PLCXD3: variants seen among roughly 807,000 people sequenced by gnomAD.
PLCXD3 encodes the protein PI-PLC X domain-containing protein 3.
In PLCXD3, 19 loss-of-function variants were observed where a neutral mutation model predicts 25.5. The observed-to-expected ratio is 0.75, with a 90% CI of 0.52 to 1.09. The LOEUF (loss-of-function observed/expected upper bound fraction) is 1.09, where lower values mean the gene tolerates loss of function less well. Ranked by LOEUF, PLCXD3 falls within the 50% of genes least tolerant of loss-of-function variation. The probability of loss-of-function intolerance (pLI) is 0.00; values close to 1 mark genes in which losing one functional copy is unlikely to be tolerated. For missense variants in PLCXD3, 411 were observed against 388.1 expected (o/e 1.06, Z -0.50); for synonymous variants, 174 against 137.6 (o/e 1.26, Z -1.85).
Position 41,403,410 on chromosome 5 carries a change from T to TTTTTTTTTGTTTTTG in PLCXD3, c.104-20877_104-20876insCAAAAACAAAAAAAA, listed in dbSNP as rs1554047973. On this transcript the variant is annotated intron_variant, in intron 1 of 2. Coordinates refer to ENST00000377801, the MANE Select transcript of PLCXD3 (RefSeq NM_001005473.3). ...GATTGACTTATTTGTTGTTTTTTTT[T>TTTTTTTTTGTTTTTG]TTTTTTATTATACTCTAAGTTTTAG... Among the ~76,000 whole-genome samples, 9 of 41,954 alleles carry TTTTTTTTTGTTTTTG rather than the reference T, an allele frequency of 2.1e-4. 1 individual carries two copies. The highest frequency in any genetic ancestry group is 2.9e-4 in the East Asian group (1 of 3,476). 27.5% of individuals were successfully genotyped at this position (41,954 alleles called of 152,430 possible).
chr5:41,438,439 A>C (rs149800641), intron 1 of PLCXD3, among the ~76,000 whole-genome samples: 6 of 152,256 alleles, frequency 3.9e-5, no homozygotes, highest in African/African-American at 1.2e-4. Flanking sequence ...CTCTCTGAAT[A>C]ATGCCCACCT....
intron 1 of PLCXD3, among the ~76,000 whole-genome samples, chr5:41,401,065 C>T (rs1165556176): frequency 6.6e-6 from 1 of 151,670 alleles, no homozygotes; most frequent in East Asian, 1.9e-4. Context: ...AGTGTTCATT[C>T]CAGTCTTTAA....
At chr5:41,453,592 T>G (rs1747686758) in intron 1 of PLCXD3, among the ~76,000 whole-genome samples, 1 of 152,046 alleles carries the variant, frequency 6.6e-6, no homozygotes, top group African/African-American at 2.4e-5. Flanking sequence ...AAAATTGGAC[T>G]AAAATAAGTG....
chr5:41,356,140 CCTGTA>C (rs1744612152), intron 2 of PLCXD3, among the ~76,000 whole-genome samples: 2 of 152,134 alleles, frequency 1.3e-5, no homozygotes, highest in Non-Finnish European at 2.9e-5. Flanking sequence ...GTGGCAGGCG[CCTGTA>C]CTCCCAGCTA....
intron 2 of PLCXD3, among the ~76,000 whole-genome samples, chr5:41,339,787 A>G (rs1351391705): frequency 6.6e-6 from 1 of 152,188 alleles, no homozygotes; most frequent in East Asian, 1.9e-4. Flanking sequence ...ATCTTCCTTC[A>G]TATTAATCTA....
chr5:41,446,197 A>AAAAAAAAAAAAAAAAAAAAC (rs1747497680), intron 1 of PLCXD3, among the ~76,000 whole-genome samples: 2 of 149,394 alleles, frequency 1.3e-5, no homozygotes, highest in Non-Finnish European at 3.0e-5. Flanking sequence ...AAAAAAAAAA[A>AAAAAAAAAAAAAAAAAAAAC]AAAAGAACAA....
At chr5:41,316,337 C>A (rs973265188) in intron 2 of PLCXD3, among the ~76,000 whole-genome samples, 1 of 152,158 alleles carries the variant, frequency 6.6e-6, no homozygotes, top group African/African-American at 2.4e-5. Context: ...GAGCCCTTGG[C>A]CCCAGATAAC....
chr5:41,442,014 T>C (rs537366213), intron 1 of PLCXD3, among the ~76,000 whole-genome samples: 1 of 152,238 alleles, frequency 6.6e-6, no homozygotes, highest in Non-Finnish European at 1.5e-5. Context: ...TATCAGACCA[T>C]TTTAGATTCT....
At chr5:41,412,598 C>A (rs1167777797) in intron 1 of PLCXD3, among the ~76,000 whole-genome samples, 2 of 152,130 alleles carry the variant, frequency 1.3e-5, no homozygotes, top group Non-Finnish European at 2.9e-5. Flanking sequence ...TTGATAATGA[C>A]CTTCTAATCA....
rs933373526 is a variant in PLCXD3, at chr5:41,313,077, T to C, written c.*540A>G. 3.9e-5 allele frequency: 6 copies of C among 153,062 alleles called. No homozygotes were observed. The highest frequency in any genetic ancestry group is 1.4e-4 in the African/African-American group (6 of 41,584). The allele number at this position is 153,062 out of a possible 1,614,324, so 9.5% of individuals were successfully genotyped here. ...ATGGAAACTGATTTGATGCAGATTT[T>C]CTATGACCAAAAATTAGCTATGATT... is the stretch of plus-strand genomic sequence containing the variant. On this transcript the variant is annotated 3_prime_UTR_variant, in exon 3 of 3. Transcript: ENST00000377801.
chr5:41,334,526 T>C (rs1157955028), intron 2 of PLCXD3, among the ~76,000 whole-genome samples: 2 of 152,048 alleles, frequency 1.3e-5, no homozygotes, highest in Admixed American at 6.6e-5. Context: ...AAGTGGAAAA[T>C]TCCAAGCCCT....
chr5:41,400,344 C>A (rs183213900), intron 1 of PLCXD3, among the ~76,000 whole-genome samples: 92 of 152,008 alleles, frequency 6.1e-4, no homozygotes, highest in African/African-American at 2.0e-3. Context: ...TGGGTATATA[C>A]CCAAAAAAAG....
At chr5:41,325,588 G>A (rs1003432089) in intron 2 of PLCXD3, among the ~76,000 whole-genome samples, 40 of 152,196 alleles carry the variant, frequency 2.6e-4, no homozygotes, top group African/African-American at 9.2e-4. Flanking sequence ...TTTTTGTTTG[G>A]TGTCTGAAGA....
chr5:41,434,071 G>A (rs1418093042), intron 1 of PLCXD3, among the ~76,000 whole-genome samples: 3 of 152,180 alleles, frequency 2.0e-5, no homozygotes, highest in African/African-American at 4.8e-5. Flanking sequence ...CACTGTTCAG[G>A]GGAAAAGCAG....
At chr5:41,500,175 CA>C (rs1331881799) in intron 1 of PLCXD3, among the ~76,000 whole-genome samples, 3 of 151,820 alleles carry the variant, frequency 2.0e-5, no homozygotes, top group Non-Finnish European at 3.0e-5. Flanking sequence ...ACTTAGTGCC[CA>C]ACAATAGATG....
intron 1 of PLCXD3, among the ~76,000 whole-genome samples, chr5:41,417,936 C>T (rs1305233590): frequency 6.6e-6 from 1 of 152,196 alleles, no homozygotes; most frequent in Non-Finnish European, 1.5e-5. Context: ...CATGTGTTAT[C>T]TTATTTCACT....
chr5:41,375,933 G>C (rs79471406), intron 2 of PLCXD3, among the ~76,000 whole-genome samples: 2 of 152,074 alleles, frequency 1.3e-5, no homozygotes, highest in Non-Finnish European at 2.9e-5. Context: ...ACATCTCTCA[G>C]CCTCAATTTC....
chr5:41,445,910 G>C (rs947924974), intron 1 of PLCXD3, among the ~76,000 whole-genome samples: 1 of 151,776 alleles, frequency 6.6e-6, no homozygotes. Flanking sequence ...CAACGAGGCC[G>C]GGCGCGGTGG....
At chr5:41,368,434 G>A (rs1744998930) in intron 2 of PLCXD3, among the ~76,000 whole-genome samples, 1 of 152,092 alleles carries the variant, frequency 6.6e-6, no homozygotes, top group South Asian at 2.1e-4. Context: ...GAAGCTTTTG[G>A]GCTGAGACAA....
Sources: allele counts gnomAD v4.1 joint callset (sites outside exome capture counted in the v4.1 genomes callset), GRCh38; gene constraint gnomAD v4.1.1; transcripts MANE v1.5; gene names NCBI Gene and HGNC (gene_info 2026-07-23, HGNC 2026-07-21).